The following METTL16 variants were observed in gnomAD, a reference collection of about 807,000 sequenced individuals.
METTL16 encodes the protein RNA N(6)-adenosine-methyltransferase METTL16.
In METTL16, 19 loss-of-function variants were observed where a neutral mutation model predicts 57.9. The observed-to-expected ratio is 0.33, with a 90% CI of 0.23 to 0.48. The LOEUF (loss-of-function observed/expected upper bound fraction) is 0.48. Among genes scored for constraint, METTL16 ranks in the 20% least tolerant of loss-of-function variants. METTL16 has a pLI of 0.99. For synonymous variants in METTL16, 246 were observed against 255.6 expected, an observed-to-expected ratio of 0.96 and a Z score of 0.36; for missense variants, 434 against 691.5, an observed-to-expected ratio of 0.63 and a Z score of 4.18.
At chr17:2,507,499 A>G (rs1321828495) in intron 1 of METTL16, among the ~76,000 whole-genome samples, 1 of 132,240 alleles carries the variant, frequency 7.6e-6, no homozygotes, top group African/African-American at 2.9e-5. Flanking sequence ...TCCGGGAGGG[A>G]GGTGGGGGGG....
intron 8 of METTL16, among the ~76,000 whole-genome samples, chr17:2,421,370 T>A (rs74850695): frequency 0.047 from 7,189 of 151,352 alleles, 587 homozygotes; most frequent in African/African-American, 0.16. Flanking sequence ...AAAAAAAAAA[T>A]TTTTAATTAA....
intron 1 of METTL16, among the ~76,000 whole-genome samples, chr17:2,504,207 G>C (rs187838703): frequency 6.6e-6 from 1 of 152,188 alleles, no homozygotes; most frequent in African/African-American, 2.4e-5. Flanking sequence ...TAGAGGTGAT[G>C]AGGAGCTGGG....
chr17:2,436,145 G>A (rs900311515), intron 8 of METTL16, among the ~76,000 whole-genome samples: 5 of 152,120 alleles, frequency 3.3e-5, no homozygotes, highest in African/African-American at 7.2e-5. Context: ...GTGTCTCCAC[G>A]GGGATAACTC....
intron 2 of METTL16, among the ~76,000 whole-genome samples, chr17:2,494,595 A>G (rs1351988008): frequency 1.3e-5 from 2 of 151,834 alleles, no homozygotes; most frequent in African/African-American, 4.8e-5. Context: ...TGTTTTAGTG[A>G]CTCAGGAGAC....
chr17:2,497,485 G>A (rs919250499), intron 2 of METTL16, among the ~76,000 whole-genome samples: 1 of 150,692 alleles, frequency 6.6e-6, no homozygotes, highest in African/African-American at 2.5e-5. Flanking sequence ...GCTCATTTTT[G>A]TACTTTTAGC....
chr17:2,426,030 C>CA (rs71375599), intron 8 of METTL16, among the ~76,000 whole-genome samples: 35,042 of 92,906 alleles, frequency 0.38, 4,673 homozygotes, highest in South Asian at 0.5. Context: ...ATGGCTAAGG[C>CA]AAAAAAAAAA....
At chr17:2,433,910 C>A (rs565260417) in intron 8 of METTL16, among the ~76,000 whole-genome samples, 1 of 152,182 alleles carries the variant, frequency 6.6e-6, no homozygotes, top group Non-Finnish European at 1.5e-5. Flanking sequence ...TTCCTTTTCT[C>A]AACTCCTGGC....
chr17:2,452,763 T>C (rs2067080468), intron 6 of METTL16, among the ~76,000 whole-genome samples: 1 of 152,220 alleles, frequency 6.6e-6, no homozygotes, highest in African/African-American at 2.4e-5. Context: ...TCCTAAGCTG[T>C]TTGAGAATCA....
At chr17:2,488,402 C>T (rs986979109) in intron 2 of METTL16, among the ~76,000 whole-genome samples, 10 of 151,830 alleles carry the variant, frequency 6.6e-5, no homozygotes, top group Non-Finnish European at 1.0e-4. Context: ...ACTAGAAATA[C>T]AAAAATTAGC....
chr17:2,482,252 A>C (rs2067312622), intron 2 of METTL16, among the ~76,000 whole-genome samples: 1 of 152,212 alleles, frequency 6.6e-6, no homozygotes, highest in African/African-American at 2.4e-5. Flanking sequence ...TAACAAAATC[A>C]ATTTTTTTCT....
At chr17:2,464,927 T>C (rs1226585546) in intron 5 of METTL16, among the ~76,000 whole-genome samples, 1 of 152,128 alleles carries the variant, frequency 6.6e-6, no homozygotes, top group Non-Finnish European at 1.5e-5. Flanking sequence ...ACAGATAAAT[T>C]GGACTTCATC....
chr17:2,444,669 T>G (rs1003972554), intron 6 of METTL16, among the ~76,000 whole-genome samples: 1 of 151,460 alleles, frequency 6.6e-6, no homozygotes, highest in Admixed American at 6.6e-5. Context: ...CAGCTTCTAG[T>G]CCTGCAAGCT....
chr17:2,451,341 G>A (rs1452222343), intron 6 of METTL16, among the ~76,000 whole-genome samples: 9 of 152,184 alleles, frequency 5.9e-5, no homozygotes, highest in South Asian at 2.1e-4. Flanking sequence ...AAGTATCATC[G>A]GGCACAGCGG....
At position 2,471,185 on chromosome 17, in the gene METTL16, A is replaced by G. The variant is rs539202554; in HGVS notation, c.469+2339T>C. 2.6e-5 allele frequency among the ~76,000 whole-genome samples: 4 copies of G among 152,302 alleles called. No homozygotes were observed. The South Asian group carries it at 8.3e-4, about 32-fold the overall frequency. ...TAAAATGCAAGACTATAAAACTCCT[A>G]GAAAGTAACAGAGTCCTGCTCTGTT... On this transcript the variant is annotated intron_variant, in intron 4 of 9. Coordinates refer to ENST00000263092, the MANE Select transcript of METTL16 (RefSeq NM_024086.4).
chr17:2,426,790 C>T (rs1177471286), intron 8 of METTL16, among the ~76,000 whole-genome samples: 2 of 148,266 alleles, frequency 1.3e-5, no homozygotes, highest in Non-Finnish European at 3.0e-5. Flanking sequence ...TTGCAGAATG[C>T]TACCTATTTA....
In METTL16 at chr17:2,488,589, C is replaced by CA. The variant is rs768904169; in HGVS notation, c.129-10705dup. Among the ~76,000 whole-genome samples, 258 of 151,270 alleles carry CA rather than the reference C, an allele frequency of 1.7e-3. 1 individual carries two copies. Among genetic ancestry groups the CA allele is most frequent in the African/African-American group, 6.0e-3 (246 of 41,252 alleles). On this transcript the variant is annotated intron_variant, in intron 2 of 9. Coordinates refer to ENST00000263092, the MANE Select transcript of METTL16 (RefSeq NM_024086.4). ...CACCAAAAAAACAAATTAAAAAAAA[C>CA]AAAAAAAAGGAAATCCTGTCACGTG... is the stretch of plus-strand genomic sequence containing the variant.
At chr17:2,447,100 G>A (rs1490296953) in intron 6 of METTL16, among the ~76,000 whole-genome samples, 2 of 144,368 alleles carry the variant, frequency 1.4e-5, no homozygotes, top group African/African-American at 5.7e-5. Context: ...AGTGAGGAGC[G>A]TCTCTGCCCG....
chr17:2,424,087 CTTTTATTTTA>C (rs1158075656), intron 8 of METTL16: 11 of 136,806 alleles, frequency 8.0e-5, no homozygotes, highest in Non-Finnish European at 1.5e-4. Flanking sequence ...AAAAATTTTC[CTTTTATTTTA>C]TTTTATTTTA....
At chr17:2,464,467 G>A in intron 5 of METTL16, 117 bp from the exon 6 acceptor site, 3 of 933,836 alleles carry the variant, frequency 3.2e-6, no homozygotes, top group Non-Finnish European at 4.5e-6. Context: ...CAAATAGTAT[G>A]CTAGATTTAG....
Sources: allele counts gnomAD v4.1 joint callset (sites outside exome capture counted in the v4.1 genomes callset), GRCh38; gene constraint gnomAD v4.1.1; transcripts MANE v1.5; gene names NCBI Gene and HGNC (gene_info 2026-07-23, HGNC 2026-07-21).